Variants in STXBP5 observed in about 807,000 individuals in gnomAD.
STXBP5 encodes the protein syntaxin-binding protein 5.
STXBP5 carries 50 observed loss-of-function variants against 152.4 expected under a neutral mutation model. That is an observed-to-expected ratio of 0.33 (90% CI 0.26 to 0.42). The LOEUF (loss-of-function observed/expected upper bound fraction) is 0.42, where lower values mean the gene tolerates loss of function less well. Among genes scored for constraint, STXBP5 ranks in the 10% least tolerant of loss-of-function variants. The pLI, the probability that STXBP5 is intolerant of heterozygous loss-of-function variation, is 1.00. For missense variants in STXBP5, 1,167 were observed against 1,388.6 expected (o/e 0.84, Z 2.54); for synonymous variants, 492 against 494.7 (o/e 0.99, Z 0.07).
At chr6:147,342,850 G>A (rs750557902) in intron 21 of STXBP5, among the ~76,000 whole-genome samples, 28 of 151,980 alleles carry the variant, frequency 1.8e-4, no homozygotes, top group Non-Finnish European at 2.9e-5. Flanking sequence ...TGATAAATTT[G>A]AAACTACATG....
At chr6:147,212,841 A>T (rs1776927517) in intron 2 of STXBP5, among the ~76,000 whole-genome samples, 1 of 152,182 alleles carries the variant, frequency 6.6e-6, no homozygotes, top group Non-Finnish European at 1.5e-5. Context: ...CACATTGAAT[A>T]CTAAGATGGT....
rs1274369633 is a variant in STXBP5, at chr6:147,315,612, T to C, written c.1500T>C (p.Asp500=). The change falls in exon 15 of 28, where the codon GAT becomes GAC. Residue 500 remains aspartate (D), a synonymous_variant. Transcript: ENST00000321680. ...CAAACACAGACATTGTAGATGAAGA[T>C]CCATATGCCATTCAGATCATCTCCT... ...DRPNTDIVDE[D]PYAIQIISWC... 13 of 1,613,928 alleles carry C rather than the reference T, an allele frequency of 8.1e-6. No homozygotes were observed. Among genetic ancestry groups the C allele is most frequent in the Non-Finnish European group, 1.0e-5 (12 of 1,179,910 alleles).
At chr6:147,341,819 G>A (rs1349400675) in intron 21 of STXBP5, among the ~76,000 whole-genome samples, 5 of 151,964 alleles carry the variant, frequency 3.3e-5, no homozygotes, top group Admixed American at 2.0e-4. Flanking sequence ...ATAATGATAA[G>A]CTTTTTGAAT....
chr6:147,310,235 A>C lies in STXBP5; in HGVS notation c.1069A>C (p.Asn357His). The stretch of plus-strand genomic sequence containing the variant: ...AACGCTGTGTGAAACACCATACCCA[A>C]ATGGTAAGCTTTGCAACTTTAAAGC... ...FLTLCETPYP[N>H]DFQEPYAVVV... Residue 357 changes from asparagine to histidine, a missense_variant, in exon 10 of 28, where the codon AAT (asparagine) becomes CAT (histidine). By Grantham distance (68) the Asn-to-His change is moderately conservative. Around this residue, in one of 3 missense-constraint regions of STXBP5, gnomAD observed 833 missense variants for 986.3 expected, o/e 0.84. Transcript: ENST00000321680. 6.4e-7 allele frequency: 1 copy of C among 1,559,200 alleles called. No homozygotes were observed. Among genetic ancestry groups the C allele is most frequent in the Non-Finnish European group, 8.6e-7 (1 of 1,160,922 alleles).
rs1019217874 is a variant in STXBP5, at chr6:147,314,754, T to C, written c.1402+118T>C. On this transcript the variant is annotated intron_variant, in intron 14 of 27. Transcript: ENST00000321680. ...ATTTGAAATGTAGAGGTTATAAATT[T>C]AATGCTTGATTTATTAAATACATGA... 6 of 674,796 alleles carry C rather than the reference T, an allele frequency of 8.9e-6. No individual in the cohort carries two copies. In the African/African-American group the frequency reaches 1.1e-4, roughly 13 times the overall value. 41.8% of individuals were successfully genotyped at this position (674,796 alleles called of 1,614,324 possible). A position where few individuals can be genotyped will look rare whatever the true frequency, so the allele number is the denominator to read the frequency against.
At chr6:147,227,410 G>C (rs1471938664) in intron 2 of STXBP5, among the ~76,000 whole-genome samples, 1 of 152,020 alleles carries the variant, frequency 6.6e-6, no homozygotes, top group African/African-American at 2.4e-5. Context: ...AACTGTTTCT[G>C]GTCATGTTGC....
At chr6:147,302,263 T>C (rs1781859294) in intron 9 of STXBP5, among the ~76,000 whole-genome samples, 1 of 152,078 alleles carries the variant, frequency 6.6e-6, no homozygotes, top group African/African-American at 2.4e-5. Flanking sequence ...ACACTGGTAT[T>C]TTGTCTTGAA....
chr6:147,289,504 A>AT (rs1330168342), intron 8 of STXBP5, among the ~76,000 whole-genome samples: 2 of 152,050 alleles, frequency 1.3e-5, no homozygotes, highest in Admixed American at 6.6e-5. Context: ...TTTCTGTACA[A>AT]TTTTTTTTAA....
chr6:147,316,580 G>C (rs1028345581), intron 16 of STXBP5, among the ~76,000 whole-genome samples, 173 bp downstream of exon 16: 4 of 152,126 alleles, frequency 2.6e-5, no homozygotes, highest in African/African-American at 7.2e-5. Flanking sequence ...ACATCAAGAG[G>C]AATATGATTG....
intron 11 of STXBP5, among the ~76,000 whole-genome samples, chr6:147,312,540 G>A (rs1255915616): frequency 6.6e-6 from 1 of 152,152 alleles, no homozygotes; most frequent in Non-Finnish European, 1.5e-5. Flanking sequence ...GGGTTTGAGG[G>A]TGTTGCGACT....
intron 8 of STXBP5, among the ~76,000 whole-genome samples, chr6:147,284,604 A>G (rs371705289): frequency 6.6e-6 from 1 of 152,240 alleles, no homozygotes; most frequent in African/African-American, 2.4e-5. Flanking sequence ...AATTCAGGGT[A>G]TATGAACTTG....
At chr6:147,253,644 C>T (rs1196881071) in intron 4 of STXBP5, among the ~76,000 whole-genome samples, 1 of 151,962 alleles carries the variant, frequency 6.6e-6, no homozygotes, top group East Asian at 1.9e-4. Context: ...CATAAGCATT[C>T]CTAGACAAAT....
At chr6:147,336,005 G>A (rs1379757985) in intron 19 of STXBP5, among the ~76,000 whole-genome samples, 1 of 152,206 alleles carries the variant, frequency 6.6e-6, no homozygotes, top group Admixed American at 6.5e-5. Context: ...TAAAAATTGC[G>A]ACTTCAAAAA....
chr6:147,254,916 T>G (rs1779280439), intron 4 of STXBP5, among the ~76,000 whole-genome samples: 2 of 152,214 alleles, frequency 1.3e-5, no homozygotes, highest in African/African-American at 4.8e-5. Flanking sequence ...TGGTGATTCC[T>G]CAAGGATCTA....
chr6:147,380,450 C>A, intron 26 of STXBP5, among the ~76,000 whole-genome samples: 1 of 138,116 alleles, frequency 7.2e-6, no homozygotes, highest in African/African-American at 2.7e-5. Flanking sequence ...AGATATTCAT[C>A]TGCAAAAAAA....
chr6:147,320,274 T>TA (rs1194094913), intron 16 of STXBP5, among the ~76,000 whole-genome samples: 1 of 152,180 alleles, frequency 6.6e-6, no homozygotes, highest in Admixed American at 6.5e-5. Context: ...CTGACCTGTA[T>TA]ACAGAGATAG....
chr6:147,282,914 G>C (rs1269955562), intron 8 of STXBP5, among the ~76,000 whole-genome samples: 3 of 152,004 alleles, frequency 2.0e-5, no homozygotes, highest in Non-Finnish European at 4.4e-5. Flanking sequence ...TCCTATATTA[G>C]AAGGAGGAGA....
rs565778227 is a variant in STXBP5, at chr6:147,313,811, T to A, written c.1146-73T>A. ...ATGATAGAATGTATGTTTTTTAAAG[T>A]TTTTATTTTTGTATTAATCATATGG... On this transcript the variant is annotated intron_variant, in intron 11 of 27. Transcript: ENST00000321680. 1.1e-5 allele frequency: 11 copies of A among 1,029,628 alleles called. No individual in the cohort carries two copies. The East Asian group carries it at 3.1e-4, about 29-fold the overall frequency. 63.8% of individuals were successfully genotyped at this position (1,029,628 alleles called of 1,614,324 possible).
rs540183038 is a variant in STXBP5 at position 147,318,469 on chromosome 6, T to C, written c.1802+2062T>C. Among the ~76,000 whole-genome samples, 52 of 152,310 alleles carry C rather than the reference T, an allele frequency of 3.4e-4. No homozygotes were observed. The South Asian group carries it at 4.3e-3, about 13-fold the overall frequency. On this transcript the variant is annotated intron_variant, in intron 16 of 27. Transcript: ENST00000321680. ...GTACCCAAATCCATTTTAAAGGTAA[T>C]ACTGACTTCGTTCTGCAATTATGAG... is the stretch of plus-strand genomic sequence containing the variant.
Sources: allele counts gnomAD v4.1 joint callset (sites outside exome capture counted in the v4.1 genomes callset), GRCh38; gene constraint gnomAD v4.1.1; regional missense constraint gnomAD v4.1.1; transcripts MANE v1.5; gene names NCBI Gene and HGNC (gene_info 2026-07-23, HGNC 2026-07-21).